The following TRPC1 variants were observed in gnomAD, a reference collection of about 807,000 sequenced individuals.
TRPC1 encodes the protein transient receptor potential cation channel subfamily C member 1.
Under a neutral mutation model 88.2 loss-of-function variants are expected in TRPC1, and 42 were observed. The observed-to-expected ratio is 0.48, with a 90% CI of 0.37 to 0.62. The LOEUF (loss-of-function observed/expected upper bound fraction) is 0.62. TRPC1 is among the 20% of genes least tolerant of loss of function. The pLI is 0.00. For missense variants in TRPC1, 699 were observed against 957.3 expected, an observed-to-expected ratio of 0.73 and a Z score of 3.56; for synonymous variants, 288 against 331.8, an observed-to-expected ratio of 0.87 and a Z score of 1.43.
intron 1 of TRPC1, among the ~76,000 whole-genome samples, chr3:142,725,968 TTAA>T (rs1372262538): frequency 3.9e-5 from 6 of 152,222 alleles, no homozygotes; most frequent in African/African-American, 1.4e-4. Flanking sequence ...GAAAGCAATA[TTAA>T]TAATATTGTT....
In TRPC1 at chr3:142,806,225, C is replaced by T. The variant is rs1457277131; in HGVS notation, c.2372C>T (p.Pro791Leu). 3 of 1,598,922 alleles carry T rather than the reference C, an allele frequency of 1.9e-6. No individual in the cohort carries two copies. The highest frequency in any genetic ancestry group is 2.2e-5 in the South Asian group (2 of 89,940). The part of the protein sequence containing the change: ...FRTSKYAMFY[P>L]RN ...ACTTCTAAATATGCTATGTTTTATC[C>T]AAGAAATTAACCATTTTCTAAATCA... The change falls in exon 13 of 13, where the codon CCA becomes CTA. Residue 791 changes from proline (P) to leucine (L), a missense_variant. This residue lies in a region of TRPC1 where 105 missense variants were observed against 141.7 expected (regional missense o/e 0.74). Coordinates refer to ENST00000476941, the MANE Select transcript of TRPC1 (RefSeq NM_001251845.2).
chr3:142,761,252 T>G (rs1156932330), intron 4 of TRPC1, among the ~76,000 whole-genome samples: 2 of 152,048 alleles, frequency 1.3e-5, no homozygotes, highest in African/African-American at 4.8e-5. Context: ...TTGATGAGGG[T>G]TTTTTTGGTT....
In TRPC1 at chr3:142,748,271, G is replaced by A. The variant is rs539204792; in HGVS notation, c.443G>A (p.Arg148Gln). Residue 148 changes from arginine to glutamine, a missense_variant, in exon 4 of 13, where the codon CGA becomes CAA. Around this residue, in one of 4 missense-constraint regions of TRPC1, gnomAD observed 426 missense variants for 641.3 expected, o/e 0.66. Coordinates refer to ENST00000476941, the MANE Select transcript of TRPC1 (RefSeq NM_001251845.2). ...AATATTTTTCAGAAACTAATGGAACGAATTCAGAATCCTGAGTATTCAACA... is the reference window on the plus strand; with the variant it reads ...AATATTTTTCAGAAACTAATGGAACAAATTCAGAATCCTGAGTATTCAACA... ...SRPTIVKLMERIQNPEYSTTM... is the reference protein window; with the variant it reads ...SRPTIVKLMEQIQNPEYSTTM... 50 of 1,612,878 alleles carry A rather than the reference G, an allele frequency of 3.1e-5. No individual in the cohort carries two copies. Among genetic ancestry groups the A allele is most frequent in the South Asian group, 1.3e-4 (12 of 90,830 alleles).
In TRPC1 at chr3:142,792,552, A is replaced by G. The variant is rs1349291047; in HGVS notation, c.1438-272A>G. Among the ~76,000 whole-genome samples the G allele has an allele frequency of 1.3e-5, 2 of 152,040 alleles. No homozygotes were observed. Among genetic ancestry groups the G allele is most frequent in the African/African-American group, 4.8e-5 (2 of 41,438 alleles). ...CCAACATTTCATTAATAAAAAGCTT[A>G]ATGATCATTTAAAAAATTATTTAAT... On this transcript the variant is annotated intron_variant, in intron 8 of 12. Transcript: ENST00000476941. This position sits in a 1 kb window ranked among gnomAD's most constrained non-coding sequence, Gnocchi z 4.0.
intron 1 of TRPC1, among the ~76,000 whole-genome samples, chr3:142,730,555 A>T (rs1158600829): frequency 6.7e-6 from 1 of 149,794 alleles, no homozygotes; most frequent in Non-Finnish European, 1.5e-5. Context: ...AGTTTTGCAC[A>T]TTTGATAAAG....
chr3:142,736,015 T>G (rs911643999), intron 1 of TRPC1, among the ~76,000 whole-genome samples: 1 of 152,168 alleles, frequency 6.6e-6, no homozygotes, highest in African/African-American at 2.4e-5. Flanking sequence ...TTTAAGCTTT[T>G]TCCATCTAAT....
At position 142,724,543 on chromosome 3, in the gene TRPC1, C is replaced by T. The variant is rs753346411; in HGVS notation, c.-17C>T. 6.4e-7 allele frequency: 1 copy of T among 1,552,036 alleles called. No individual in the cohort carries two copies. Among genetic ancestry groups the T allele is most frequent in the South Asian group, 1.2e-5 (1 of 84,924 alleles). Reference sequence around the variant, plus strand: ...GCCCCGCCCCCGTCTCCTGGCCTGCCCCCTTCATGGGCCGCGATGATGGCG... The same window carrying T: ...GCCCCGCCCCCGTCTCCTGGCCTGCTCCCTTCATGGGCCGCGATGATGGCG... On this transcript the variant is annotated 5_prime_UTR_variant, in exon 1 of 13. Transcript: ENST00000476941. The surrounding 1 kb of genome is among the most constrained non-coding windows in gnomAD (Gnocchi z 5.6).
rs114882114 is a variant in TRPC1 at position 142,726,933 on chromosome 3, T to C, written c.172+2202T>C. Among the ~76,000 whole-genome samples, 1,429 of 152,294 alleles carry C rather than the reference T, an allele frequency of 9.4e-3. 30 individuals are homozygous for C. Among genetic ancestry groups the C allele is most frequent in the African/African-American group, 0.033 (1,366 of 41,556 alleles). The stretch of plus-strand genomic sequence containing the variant: ...CAGATCTGTTGTTGTCCTCAATTTG[T>C]AGATGAGGAAAATGAGGCTTAGCAA... On this transcript the variant is annotated intron_variant, in intron 1 of 12. Coordinates refer to ENST00000476941, the MANE Select transcript of TRPC1 (RefSeq NM_001251845.2).
chr3:142,777,768 G>A lies in TRPC1; in HGVS notation c.764+5G>A. 6.2e-7 allele frequency: 1 copy of A among 1,602,932 alleles called. No homozygotes were observed. Among genetic ancestry groups the A allele is most frequent in the East Asian group, 2.2e-5 (1 of 44,676 alleles). ...TCTTGTGGAGGTGGAATTCAGGTGGGAATGAATGCAAATTATATAATGTAT... is the reference window on the plus strand; with the variant it reads ...TCTTGTGGAGGTGGAATTCAGGTGGAAATGAATGCAAATTATATAATGTAT... On this transcript the variant is annotated splice_donor_5th_base_variant and intron_variant, in intron 5 of 12. Coordinates refer to ENST00000476941, the MANE Select transcript of TRPC1 (RefSeq NM_001251845.2).
intron 3 of TRPC1, among the ~76,000 whole-genome samples, chr3:142,744,903 A>G (rs1213945779): frequency 6.6e-6 from 1 of 152,220 alleles, no homozygotes; most frequent in Non-Finnish European, 1.5e-5. Flanking sequence ...ACTGCTGGCA[A>G]TATAGGCTGG....
At chr3:142,774,813 GCTT>G (rs1411589980) in intron 4 of TRPC1, among the ~76,000 whole-genome samples, 1 of 152,092 alleles carries the variant, frequency 6.6e-6, no homozygotes, top group Non-Finnish European at 1.5e-5. Flanking sequence ...GAAAGAAGTG[GCTT>G]CATTATTCGT....
intron 4 of TRPC1, among the ~76,000 whole-genome samples, chr3:142,773,609 A>G (rs150767320): frequency 1.5e-5 from 2 of 129,612 alleles, no homozygotes; most frequent in African/African-American, 5.9e-5. Context: ...TTTAGGGGGT[A>G]TGGGTCATAC....
At chr3:142,744,530 A>G (rs1333093940) in intron 3 of TRPC1, among the ~76,000 whole-genome samples, 1 of 152,210 alleles carries the variant, frequency 6.6e-6, no homozygotes, top group East Asian at 1.9e-4. Flanking sequence ...GATTACATAT[A>G]TGTACAATGG....
rs1935417847 is a variant in TRPC1, at chr3:142,767,021, G to A, written c.633-10611G>A. ...TCTGCTTAGATTTTTGAGAGAGATT[G>A]TGTTGAATCATTTAGGCAGAAATGC... On this transcript the variant is annotated intron_variant, in intron 4 of 12. Coordinates refer to ENST00000476941, the MANE Select transcript of TRPC1 (RefSeq NM_001251845.2). The surrounding 1 kb of genome is among the most constrained non-coding windows in gnomAD (Gnocchi z 5.1). Among the ~76,000 whole-genome samples the A allele has an allele frequency of 2.0e-5, 3 of 152,142 alleles. No individual in the cohort carries two copies. Among genetic ancestry groups the A allele is most frequent in the Admixed American group, 1.3e-4 (2 of 15,272 alleles).
chr3:142,762,427 G>GTTTTTTT (rs1935216280), intron 4 of TRPC1, among the ~76,000 whole-genome samples: 1 of 123,334 alleles, frequency 8.1e-6, no homozygotes, highest in African/African-American at 3.1e-5. Context: ...GTTTATTCTT[G>GTTTTTTT]ATTTTTTTTT....
chr3:142,724,655 G>T lies in TRPC1; in HGVS notation c.96G>T (p.Met32Ile), dbSNP rs2107997803. The T allele has an allele frequency of 6.2e-7, 1 of 1,612,978 alleles. No homozygotes were observed. Among genetic ancestry groups the T allele is most frequent in the Non-Finnish European group, 8.5e-7 (1 of 1,179,456 alleles). Residue 32 changes from methionine to isoleucine, a missense_variant, in exon 1 of 13, where the codon ATG becomes ATT. Physicochemically the swap from Met to Ile is conservative, Grantham distance 10. This residue lies in a region of TRPC1 where 157 missense variants were observed against 127.0 expected (regional missense o/e 1.24). Transcript: ENST00000476941. This position sits in a 1 kb window ranked among gnomAD's most constrained non-coding sequence, Gnocchi z 5.6. The stretch of plus-strand genomic sequence containing the variant: ...CCTCTTCCTCGCCGAACGAGGTGAT[G>T]GCGCTGAAGGATGTGCGGGAGGTGA... ...SPSSSSPNEVMALKDVREVKE... is the reference protein window; with the variant it reads ...SPSSSSPNEVIALKDVREVKE...
intron 5 of TRPC1, among the ~76,000 whole-genome samples, chr3:142,779,627 A>G (rs930333100): frequency 1.3e-5 from 2 of 152,190 alleles, no homozygotes; most frequent in Non-Finnish European, 2.9e-5. Context: ...TAAGGCAAAG[A>G]AGTTTTTATT....
intron 12 of TRPC1, among the ~76,000 whole-genome samples, chr3:142,805,131 C>T (rs4683694): frequency 0.062 from 2,523 of 40,586 alleles, 49 homozygotes; most frequent in African/African-American, 0.29. Flanking sequence ...TATATATATA[C>T]ACACACACAC....
At chr3:142,775,129 T>C (rs72990716) in intron 4 of TRPC1, among the ~76,000 whole-genome samples, 4,381 of 152,278 alleles carry the variant, frequency 0.029, 223 homozygotes, top group African/African-American at 0.1. Context: ...AAATCCTTAA[T>C]ATACTTATTA....
Sources: gnomAD v4.1 joint callset for allele counts (sites outside exome capture counted in the v4.1 genomes callset) on GRCh38, gnomAD v4.1.1 for gene constraint, gnomAD v4.1.1 regional missense constraint, Gnocchi (gnomAD v3.1) non-coding constraint, MANE v1.5 for transcripts, NCBI Gene and HGNC (gene_info 2026-07-23, HGNC 2026-07-21) for gene names.